Variants in FRAS1 observed in about 807,000 individuals in gnomAD.
FRAS1 encodes Fraser extracellular matrix complex subunit 1.
Under a neutral mutation model 435.2 loss-of-function variants are expected in FRAS1, and 290 were observed. The observed-to-expected ratio is 0.67, with a 90% CI of 0.61 to 0.73. FRAS1 has a LOEUF of 0.73. Among genes scored for constraint, FRAS1 ranks in the 30% least tolerant of loss-of-function variants. The pLI is 0.00. For missense variants in FRAS1, 4,860 were observed against 5,001.5 expected (o/e 0.97, Z 0.85); for synonymous variants, 1,800 against 1,851.0 (o/e 0.97, Z 0.71).
chr4:78,474,508 A>G (rs1484171794), intron 53 of FRAS1, among the ~76,000 whole-genome samples: 1 of 152,214 alleles, frequency 6.6e-6, no homozygotes, highest in Non-Finnish European at 1.5e-5. Flanking sequence ...GAATTAGAGG[A>G]AAATTAGAAT....
intron 27 of FRAS1, among the ~76,000 whole-genome samples, chr4:78,382,945 C>T (rs1057492971): frequency 6.6e-6 from 1 of 152,132 alleles, no homozygotes; most frequent in East Asian, 1.9e-4. Context: ...TTTTCAGATC[C>T]ATCCACATTC....
intron 2 of FRAS1, chr4:78,181,772 T>C (rs1722013809): frequency 9.3e-6 from 15 of 1,610,760 alleles, no homozygotes; most frequent in Admixed American, 1.7e-5. Context: ...CGTCTCCTCT[T>C]TCTTGTCAAC....
chr4:78,291,299 C>T (rs931447352), intron 14 of FRAS1, among the ~76,000 whole-genome samples: 1 of 152,222 alleles, frequency 6.6e-6, no homozygotes, highest in African/African-American at 2.4e-5. Context: ...GGGGTGGCTT[C>T]GGGATGAAAC....
At position 78,542,447 on chromosome 4, in the gene FRAS1, T is replaced by C. The variant is rs1397716179; in HGVS notation, c.*1323T>C. 2.0e-5 allele frequency: 3 copies of C among 152,636 alleles called. No homozygotes were observed. Among genetic ancestry groups the C allele is most frequent in the African/African-American group, 7.2e-5 (3 of 41,442 alleles). 9.5% of individuals were successfully genotyped at this position (152,636 alleles called of 1,614,324 possible). On this transcript the variant is annotated 3_prime_UTR_variant, in exon 74 of 74. Transcript: ENST00000512123. ...AGCGTGCATGCCATGTTGTTTTGAA[T>C]TGGAGGCACAATTTCATTATTCGAG...
intron 2 of FRAS1, among the ~76,000 whole-genome samples, chr4:78,076,107 T>G (rs938049980): frequency 2.0e-5 from 3 of 152,134 alleles, no homozygotes; most frequent in Admixed American, 6.6e-5. Flanking sequence ...TCCTTCTCCT[T>G]TTTTTCATCC....
At chr4:78,386,526 G>A (rs1732223805) in intron 28 of FRAS1, among the ~76,000 whole-genome samples, 1 of 152,176 alleles carries the variant, frequency 6.6e-6, no homozygotes, top group Non-Finnish European at 1.5e-5. Context: ...GAGGCCAGGA[G>A]GGTGCTTGGG....
intron 20 of FRAS1, among the ~76,000 whole-genome samples, chr4:78,347,390 C>T (rs1223579971): frequency 6.6e-6 from 1 of 152,224 alleles, no homozygotes; most frequent in Non-Finnish European, 1.5e-5. Context: ...GGGAGGAGAA[C>T]TTTTCTTGAA....
At chr4:78,407,231 A>G (rs1371253131) in intron 30 of FRAS1, among the ~76,000 whole-genome samples, 1 of 152,164 alleles carries the variant, frequency 6.6e-6, no homozygotes, top group Admixed American at 6.5e-5. Flanking sequence ...TTTCCACTGA[A>G]TTGTTTCTAA....
At chr4:78,518,990 G>T (rs1721301586) in intron 66 of FRAS1, among the ~76,000 whole-genome samples, 1 of 152,122 alleles carries the variant, frequency 6.6e-6, no homozygotes, top group Admixed American at 6.5e-5. Flanking sequence ...CCACCGGGTT[G>T]ATCCTTGAGA....
rs115193980 is a variant in FRAS1, at chr4:78,407,790, A to G, written c.4257A>G (p.Val1419=). The change falls in exon 31 of 74, where the codon GTA becomes GTG. Residue 1419 remains valine, a synonymous_variant. Coordinates refer to ENST00000512123, the MANE Select transcript of FRAS1 (RefSeq NM_025074.7). ...FTQQDINEGI[V]WYRHSGAPAQ... ...AGCAGGACATCAATGAAGGCATCGT[A>G]TGGTACAGGCACTCAGGAGCCCCAG... 4.8e-4 allele frequency: 773 copies of G among 1,613,828 alleles called. No homozygotes were observed. Among genetic ancestry groups the G allele is most frequent in the Non-Finnish European group, 6.2e-4 (727 of 1,179,820 alleles).
intron 2 of FRAS1, among the ~76,000 whole-genome samples, chr4:78,228,426 T>A (rs1724363867): frequency 6.6e-6 from 1 of 152,220 alleles, no homozygotes; most frequent in Non-Finnish European, 1.5e-5. Context: ...AGGATTATGT[T>A]AGAACAAGTG....
intron 2 of FRAS1, among the ~76,000 whole-genome samples, chr4:78,122,155 T>C (rs1277749453): frequency 6.6e-6 from 1 of 151,984 alleles, no homozygotes; most frequent in African/African-American, 2.4e-5. Context: ...GGCCCCAGTG[T>C]GTGATGTTCC....
At chr4:78,191,078 C>G (rs192017526) in intron 2 of FRAS1, among the ~76,000 whole-genome samples, 1 of 152,312 alleles carries the variant, frequency 6.6e-6, no homozygotes, top group Admixed American at 6.5e-5. Context: ...AGACTCCTCA[C>G]CAGAAAATGA....
chr4:78,417,402 G>C (rs1429753930), intron 32 of FRAS1, among the ~76,000 whole-genome samples: 1 of 152,134 alleles, frequency 6.6e-6, no homozygotes, highest in Admixed American at 6.5e-5. Flanking sequence ...ACCAAACAAG[G>C]TACAGAGCCT....
In FRAS1 at chr4:78,308,134, C is replaced by T. The variant is rs34173444; in HGVS notation, c.1603C>T (p.Leu535Phe). 6.2e-7 allele frequency: 1 copy of T among 1,613,956 alleles called. No individual in the cohort carries two copies. Among genetic ancestry groups the T allele is most frequent in the Non-Finnish European group, 8.5e-7 (1 of 1,179,856 alleles). ...GCACTGCTTGGCCTGCAGAGATCCC[C>T]TCCACGTGCTGAGAGATGGCGGCTG... is the stretch of plus-strand genomic sequence containing the variant. ...EKHCLACRDP[L>F]HVLRDGGCES... Residue 535 changes from leucine to phenylalanine, a missense_variant, in exon 15 of 74, where the codon CTC (leucine) becomes TTC (phenylalanine). By Grantham distance (22) the Leu-to-Phe change is conservative. Transcript: ENST00000512123.
intron 61 of FRAS1, among the ~76,000 whole-genome samples, chr4:78,504,669 CTT>C (rs1720779006): frequency 1.3e-5 from 2 of 152,266 alleles, no homozygotes; most frequent in South Asian, 4.1e-4. Flanking sequence ...GGTCTTGACT[CTT>C]TATCCAATTT....
At chr4:78,142,842 C>CT (rs1416200320) in intron 2 of FRAS1, among the ~76,000 whole-genome samples, 2 of 151,788 alleles carry the variant, frequency 1.3e-5, no homozygotes, top group African/African-American at 4.8e-5. Flanking sequence ...GTTTTAATGG[C>CT]TGGAGTAATA....
chr4:78,288,518 T>C (rs1727726539), intron 14 of FRAS1, among the ~76,000 whole-genome samples: 1 of 152,174 alleles, frequency 6.6e-6, no homozygotes, highest in Non-Finnish European at 1.5e-5. Flanking sequence ...AATGTTTCAT[T>C]TGATTAGTGG....
intron 29 of FRAS1, 81 bp downstream of exon 29, chr4:78,387,782 A>G: frequency 5.1e-6 from 5 of 971,252 alleles, no homozygotes; most frequent in Non-Finnish European, 5.9e-6. Flanking sequence ...TGATACTCAC[A>G]AAGTTAAGAT....
Sources: gnomAD v4.1 joint callset for allele counts (sites outside exome capture counted in the v4.1 genomes callset) on GRCh38, gnomAD v4.1.1 for gene constraint, MANE v1.5 for transcripts, NCBI Gene and HGNC (gene_info 2026-07-23, HGNC 2026-07-21) for gene names.